The following DOK6 variants were observed in gnomAD, a reference collection of about 807,000 sequenced individuals.
DOK6 encodes downstream of tyrosine kinase 6.
Under a neutral mutation model 44.0 loss-of-function variants are expected in DOK6, and 22 were observed. The ratio of observed to expected loss-of-function variants is 0.50; its 90% CI spans 0.36 to 0.71. The LOEUF (loss-of-function observed/expected upper bound fraction) is 0.71. Ranked by LOEUF, DOK6 falls within the 30% of genes least tolerant of loss-of-function variation. The pLI, the probability that DOK6 is intolerant of heterozygous loss-of-function variation, is 0.00. For missense variants in DOK6, 340 were observed against 416.4 expected, an observed-to-expected ratio of 0.82 and a Z score of 1.60; for synonymous variants, 166 against 145.5, an observed-to-expected ratio of 1.14 and a Z score of -1.01.
intron 4 of DOK6, among the ~76,000 whole-genome samples, chr18:69,684,887 G>A (rs1986117738): frequency 1.3e-5 from 2 of 152,126 alleles, no homozygotes; most frequent in African/African-American, 4.8e-5. Flanking sequence ...CTGGACCCCA[G>A]ATATTATCTG....
chr18:69,404,390 G>A (rs577224119), intron 1 of DOK6, among the ~76,000 whole-genome samples: 1 of 152,260 alleles, frequency 6.6e-6, no homozygotes, highest in Admixed American at 6.5e-5. Flanking sequence ...GGCATATATA[G>A]CAAAATATCC....
At chr18:69,789,154 T>C (rs9952740) in intron 7 of DOK6, among the ~76,000 whole-genome samples, 28,631 of 152,128 alleles carry the variant, frequency 0.19, 3,420 homozygotes, top group African/African-American at 0.34. Context: ...AAAATGATGC[T>C]AGTACAATTT....
intron 3 of DOK6, among the ~76,000 whole-genome samples, chr18:69,610,356 A>G (rs1410848686): frequency 1.3e-5 from 2 of 152,212 alleles, no homozygotes; most frequent in African/African-American, 4.8e-5. Context: ...CTCCTTGGGA[A>G]TATATCTCAT....
chr18:69,598,110 A>G (rs996577928), intron 2 of DOK6, among the ~76,000 whole-genome samples: 5 of 152,080 alleles, frequency 3.3e-5, no homozygotes, highest in Admixed American at 6.6e-5. Context: ...TCTAGTCTAC[A>G]TAGTGTAATG....
At chr18:69,445,808 C>T (rs1979269711) in intron 1 of DOK6, among the ~76,000 whole-genome samples, 1 of 152,068 alleles carries the variant, frequency 6.6e-6, no homozygotes, top group Non-Finnish European at 1.5e-5. Context: ...ATCACTTGAG[C>T]CCAGTAGTCC....
At chr18:69,620,423 A>C (rs910660726) in intron 3 of DOK6, among the ~76,000 whole-genome samples, 1 of 152,188 alleles carries the variant, frequency 6.6e-6, no homozygotes, top group Admixed American at 6.5e-5. Flanking sequence ...TGCATCCATC[A>C]GTATAATTAC....
At chr18:69,401,685 CTG>C (rs1916103410) in intron 1 of DOK6, among the ~76,000 whole-genome samples, 1 of 152,192 alleles carries the variant, frequency 6.6e-6, no homozygotes, top group Non-Finnish European at 1.5e-5. Flanking sequence ...GGTGGAACTG[CTG>C]TGTGTGGCGA....
intron 7 of DOK6, among the ~76,000 whole-genome samples, chr18:69,823,723 T>C (rs28702626): frequency 0.26 from 39,823 of 151,624 alleles, 5,240 homozygotes; most frequent in Non-Finnish European, 0.27. Context: ...ATCAGCATCT[T>C]CCTGGTGCCT....
chr18:69,813,606 T>A (rs147850380), intron 7 of DOK6, among the ~76,000 whole-genome samples: 4 of 152,192 alleles, frequency 2.6e-5, no homozygotes, highest in African/African-American at 7.2e-5. Context: ...AGATTGCATT[T>A]TTTTAATAAG....
At chr18:69,819,905 A>G (rs1003340016) in intron 7 of DOK6, among the ~76,000 whole-genome samples, 6 of 152,180 alleles carry the variant, frequency 3.9e-5, no homozygotes, top group Non-Finnish European at 5.9e-5. Flanking sequence ...GACACATAAA[A>G]TACACTAACA....
intron 7 of DOK6, among the ~76,000 whole-genome samples, chr18:69,833,789 C>T (rs1360614235): frequency 6.6e-6 from 1 of 152,046 alleles, no homozygotes; most frequent in Admixed American, 6.6e-5. Context: ...AAGTGGCAAA[C>T]AGATATGTAG....
chr18:69,549,025 G>C lies in DOK6; in HGVS notation c.67-15462G>C, dbSNP rs531044606. Among the ~76,000 whole-genome samples, 3 of 150,556 alleles carry C rather than the reference G, an allele frequency of 2.0e-5. No homozygotes were observed. The South Asian group carries it at 6.4e-4, about 32-fold the overall frequency. On this transcript the variant is annotated intron_variant, in intron 1 of 7. Transcript: ENST00000382713. ...CAGGAGAATGGCGTGAACCCCGGGT[G>C]ACGGAGCCTGCAGTGAGCCAAGATC...
intron 4 of DOK6, among the ~76,000 whole-genome samples, chr18:69,694,037 C>A (rs187468907): frequency 8.6e-6 from 1 of 116,924 alleles, no homozygotes; most frequent in African/African-American, 3.3e-5. Flanking sequence ...CCAGCCTGGG[C>A]GACAGAGCGA....
chr18:69,653,282 G>C (rs1270067348), intron 3 of DOK6, among the ~76,000 whole-genome samples: 3 of 150,242 alleles, frequency 2.0e-5, no homozygotes, highest in Non-Finnish European at 4.4e-5. Flanking sequence ...AAGAATTTTA[G>C]GCAGTCTTAT....
At chr18:69,635,364 T>C (rs1345682438) in intron 3 of DOK6, among the ~76,000 whole-genome samples, 1 of 152,210 alleles carries the variant, frequency 6.6e-6, no homozygotes, top group Non-Finnish European at 1.5e-5. Context: ...AATGTTTTGC[T>C]CTGAGATGTG....
chr18:69,546,096 C>T (rs1047323501), intron 1 of DOK6, among the ~76,000 whole-genome samples: 1 of 150,776 alleles, frequency 6.6e-6, no homozygotes, highest in Non-Finnish European at 1.5e-5. Context: ...TAGCCAACAT[C>T]GAGAAAACCC....
intron 1 of DOK6, among the ~76,000 whole-genome samples, chr18:69,431,511 G>T (rs356012): frequency 0.79 from 120,821 of 152,118 alleles, 48,240 homozygotes; most frequent in East Asian, 1. Context: ...CATAAAAGAT[G>T]ATCCTTATGC....
chr18:69,495,498 A>G (rs1025662313), intron 1 of DOK6, among the ~76,000 whole-genome samples: 1 of 152,196 alleles, frequency 6.6e-6, no homozygotes, highest in Non-Finnish European at 1.5e-5. Flanking sequence ...TGGTTGTCCC[A>G]GTGGCTGCTC....
rs148801649 is a variant in DOK6 at position 69,815,227 on chromosome 18, C to T, written c.857-26017C>T. On this transcript the variant is annotated intron_variant, in intron 7 of 7. Coordinates refer to ENST00000382713, the MANE Select transcript of DOK6 (RefSeq NM_152721.6). ...ACATCCTCCTGTGAGATAAGATTCC[C>T]CTAAGGGAAAACTAAATAGAGATGT... Among the ~76,000 whole-genome samples, 239 of 152,140 alleles carry T rather than the reference C, an allele frequency of 1.6e-3. 1 individual carries two copies. The highest frequency in any genetic ancestry group is 5.7e-3 in the African/African-American group (237 of 41,506).
Sources: gnomAD v4.1 joint callset for allele counts (sites outside exome capture counted in the v4.1 genomes callset) on GRCh38, gnomAD v4.1.1 for gene constraint, MANE v1.5 for transcripts, NCBI Gene and HGNC (gene_info 2026-07-23, HGNC 2026-07-21) for gene names.